KLF12: variants seen among roughly 807,000 people sequenced by gnomAD.
KLF12 encodes the protein KLF transcription factor 12.
A neutral mutation model predicts 37.8 loss-of-function variants in KLF12; 9 were observed. The observed-to-expected ratio is 0.24, with a 90% confidence interval of 0.14 to 0.42. The LOEUF is 0.42. Ranked by LOEUF, KLF12 falls within the 10% of genes least tolerant of loss-of-function variation. The probability of loss-of-function intolerance (pLI) is 1.00; values close to 1 mark genes in which losing one functional copy is unlikely to be tolerated. For synonymous variants in KLF12, 208 were observed against 202.1 expected, an observed-to-expected ratio of 1.03 and a Z score of -0.25; for missense variants, 411 against 516.0, an observed-to-expected ratio of 0.80 and a Z score of 1.97.
At chr13:74,250,974 A>G in the KLF12 span, among the ~76,000 whole-genome samples, 2 of 152,286 alleles carry the variant, frequency 1.3e-5, no homozygotes, top group Admixed American at 1.3e-4. Context: ...AAGGGAGCCC[A>G]GGATCTCCAT....
intron 1 of KLF12, among the ~76,000 whole-genome samples, chr13:74,027,196 C>T (rs374202447): frequency 3.2e-4 from 48 of 152,322 alleles, no homozygotes; most frequent in African/African-American, 1.1e-3. Flanking sequence ...TACCTTACAG[C>T]TTGCCTGAGA....
intron 1 of KLF12, among the ~76,000 whole-genome samples, chr13:74,131,535 A>G (rs1170781670): frequency 6.6e-6 from 1 of 152,222 alleles, no homozygotes; most frequent in Non-Finnish European, 1.5e-5. Flanking sequence ...CATTGCTGTA[A>G]AAAGAACTTC....
chr13:73,736,566 T>C (rs1877478651), intron 6 of KLF12, among the ~76,000 whole-genome samples: 1 of 152,198 alleles, frequency 6.6e-6, no homozygotes, highest in African/African-American at 2.4e-5. Flanking sequence ...GTCTGCATAT[T>C]AAAGATCATA....
chr13:74,214,244 T>C, the KLF12 span, among the ~76,000 whole-genome samples: 2 of 143,110 alleles, frequency 1.4e-5, no homozygotes, highest in African/African-American at 2.5e-5. Flanking sequence ...ATTCTGCCCC[T>C]CCCCAGCCCA....
At chr13:73,979,999 G>C (rs569514711) in intron 2 of KLF12, among the ~76,000 whole-genome samples, 1 of 152,078 alleles carries the variant, frequency 6.6e-6, no homozygotes, top group Non-Finnish European at 1.5e-5. Context: ...CAGAGAGGGG[G>C]CCTCAGAAAA....
intron 2 of KLF12, among the ~76,000 whole-genome samples, chr13:73,968,167 T>C (rs1399544508): frequency 2.6e-5 from 4 of 152,204 alleles, no homozygotes; most frequent in African/African-American, 7.2e-5. Context: ...CAAGGTCCTT[T>C]TCTTTGCTCA....
intron 2 of KLF12, among the ~76,000 whole-genome samples, chr13:73,953,081 G>A (rs1358475282): frequency 6.6e-6 from 1 of 152,112 alleles, no homozygotes; most frequent in African/African-American, 2.4e-5. Context: ...GTTAAGACAG[G>A]AAACCAAATA....
chr13:73,766,477 ACTTT>A (rs1879921987), intron 5 of KLF12, among the ~76,000 whole-genome samples: 1 of 152,124 alleles, frequency 6.6e-6, no homozygotes, highest in African/African-American at 2.4e-5. Context: ...TTACTTTTTT[ACTTT>A]CTGTCTGCTT....
At chr13:73,846,827 G>A (rs1319623457) in intron 3 of KLF12, among the ~76,000 whole-genome samples, 1 of 152,036 alleles carries the variant, frequency 6.6e-6, no homozygotes, top group Non-Finnish European at 1.5e-5. Context: ...TTAAAAAAGG[G>A]CATAAAGTTC....
chr13:74,182,910 T>C, the KLF12 span, among the ~76,000 whole-genome samples: 8 of 152,088 alleles, frequency 5.3e-5, no homozygotes, highest in South Asian at 2.1e-4. Flanking sequence ...GGGGCATGTA[T>C]GGGGGACCCT....
the KLF12 span, among the ~76,000 whole-genome samples, chr13:74,291,240 T>C: frequency 6.6e-6 from 1 of 152,202 alleles, no homozygotes; most frequent in African/African-American, 2.4e-5. Flanking sequence ...TGCCTATAAA[T>C]AGGTTTGAAA....
chr13:74,011,532 C>T (rs1315265799), intron 1 of KLF12, among the ~76,000 whole-genome samples: 1 of 152,110 alleles, frequency 6.6e-6, no homozygotes, highest in African/African-American at 2.4e-5. Context: ...TCTGTGGGTT[C>T]TGCATCCATG....
chr13:73,953,286 T>C (rs1238784770), intron 2 of KLF12, among the ~76,000 whole-genome samples: 1 of 151,112 alleles, frequency 6.6e-6, no homozygotes. Flanking sequence ...GTCAAATTTA[T>C]CCAAACATGG....
the KLF12 span, among the ~76,000 whole-genome samples, chr13:74,153,632 C>T: frequency 6.6e-6 from 1 of 152,290 alleles, no homozygotes; most frequent in Non-Finnish European, 1.5e-5. Flanking sequence ...CTCAAAGATC[C>T]AAGAACCAGA....
intron 3 of KLF12, among the ~76,000 whole-genome samples, chr13:73,855,888 T>C (rs2138760299): frequency 6.6e-6 from 1 of 152,328 alleles, no homozygotes; most frequent in South Asian, 2.1e-4. Flanking sequence ...ATTAATAAAA[T>C]ACATTCACAT....
chr13:73,835,066 CTTTT>C (rs57370625), intron 4 of KLF12, among the ~76,000 whole-genome samples: 1 of 142,842 alleles, frequency 7.0e-6, no homozygotes, highest in African/African-American at 2.6e-5. Flanking sequence ...GAAGTTAAAC[CTTTT>C]TTTTTTTTTT....
intron 3 of KLF12, among the ~76,000 whole-genome samples, chr13:73,936,212 G>A (rs1277253823): frequency 6.6e-6 from 1 of 152,160 alleles, no homozygotes; most frequent in African/African-American, 2.4e-5. Flanking sequence ...TTCAGCACTA[G>A]ATCGTGTATT....
intron 2 of KLF12, among the ~76,000 whole-genome samples, chr13:73,957,897 C>T (rs1890892726): frequency 6.6e-6 from 1 of 152,148 alleles, no homozygotes; most frequent in Non-Finnish European, 1.5e-5. Flanking sequence ...GGGCAAGAAA[C>T]ACAGGTTTAA....
At chr13:73,832,758 C>A (rs1884231274) in intron 4 of KLF12, among the ~76,000 whole-genome samples, 1 of 152,104 alleles carries the variant, frequency 6.6e-6, no homozygotes, top group Admixed American at 6.5e-5. Context: ...ATAAAAGTAG[C>A]AAAGTAGCAT....
Sources: gnomAD v4.1 joint callset for allele counts (sites outside exome capture counted in the v4.1 genomes callset) on GRCh38, gnomAD v4.1.1 for gene constraint, MANE v1.5 for transcripts, NCBI Gene and HGNC (gene_info 2026-07-23, HGNC 2026-07-21) for gene names.